PRELID2: variants seen among roughly 807,000 people sequenced by gnomAD.
PRELID2 encodes the protein PRELI domain containing 2, also known as PRELI domain-containing protein 2.
PRELID2 carries 25 observed loss-of-function variants against 28.4 expected under a neutral mutation model. That is an observed-to-expected ratio of 0.88 (90% CI 0.64 to 1.23). The LOEUF is 1.23. PRELID2 is among the 50% of genes most tolerant of loss of function. The probability of loss-of-function intolerance (pLI) is 0.00; values close to 1 mark genes in which losing one functional copy is unlikely to be tolerated. For missense variants in PRELID2, 201 were observed against 214.4 expected (o/e 0.94, Z 0.39); for synonymous variants, 76 against 71.6 (o/e 1.06, Z -0.31).
intron 1 of PRELID2, among the ~76,000 whole-genome samples, chr5:145,499,943 A>G (rs1752345235): frequency 6.6e-6 from 1 of 152,190 alleles, no homozygotes; most frequent in South Asian, 2.1e-4. Context: ...TAAACCCCAC[A>G]CTTGGCTTTA....
chr5:145,354,847 T>G, the PRELID2 span, among the ~76,000 whole-genome samples: 1 of 152,154 alleles, frequency 6.6e-6, no homozygotes, highest in Non-Finnish European at 1.5e-5. Flanking sequence ...CCTAATCAAC[T>G]GGGCAAATTA....
intron 4 of PRELID2, among the ~76,000 whole-genome samples, chr5:145,799,654 T>C (rs1425669902): frequency 6.6e-6 from 1 of 152,178 alleles, no homozygotes; most frequent in Non-Finnish European, 1.5e-5. Context: ...GTATGGGGCT[T>C]GATAAATTCT....
chr5:145,583,622 C>T (rs1257312358), intron 1 of PRELID2, among the ~76,000 whole-genome samples: 3 of 151,932 alleles, frequency 2.0e-5, no homozygotes, highest in Non-Finnish European at 4.4e-5. Flanking sequence ...TGTGCAAAAT[C>T]GCTAGCATTC....
At chr5:145,287,013 ACTT>A in the PRELID2 span, among the ~76,000 whole-genome samples, 25 of 151,934 alleles carry the variant, frequency 1.6e-4, no homozygotes, top group African/African-American at 6.0e-4. Context: ...CCTGGCCAGA[ACTT>A]CTTATTGTTA....
chr5:145,762,952 G>A (rs1026726911), intron 6 of PRELID2, among the ~76,000 whole-genome samples: 2 of 152,192 alleles, frequency 1.3e-5, no homozygotes, highest in African/African-American at 4.8e-5. Context: ...CCAGGACCAG[G>A]ATCACCATCA....
At chr5:145,399,255 T>C in the PRELID2 span, among the ~76,000 whole-genome samples, 1 of 152,074 alleles carries the variant, frequency 6.6e-6, no homozygotes, top group East Asian at 1.9e-4. Context: ...GAAAATGAGA[T>C]GGAGTTGATT....
At chr5:145,820,061 G>A in intron 2 of PRELID2, 43 bp from the exon 3 acceptor site, 1 of 1,188,116 alleles carries the variant, frequency 8.4e-7, no homozygotes, top group South Asian at 1.3e-5. Flanking sequence ...TTAAAGAAAT[G>A]TGTTCTTTTC....
Position 145,654,558 on chromosome 5 carries a change from C to G in PRELID2, n.70+110373G>C, listed in dbSNP as rs562079739. On this transcript the variant is annotated intron_variant and non_coding_transcript_variant, in intron 1 of 2. Coordinates refer to the PRELID2 transcript ENST00000510259. ...CAAAAAGCTTATCCACCATGATCAA[C>G]TGGGCTTCAGCCCTGGGATGCAAGA... Among the ~76,000 whole-genome samples the G allele has an allele frequency of 1.1e-4, 17 of 152,272 alleles. No homozygotes were observed. The East Asian group carries it at 1.4e-3, about 12-fold the overall frequency.
intron 1 of PRELID2, among the ~76,000 whole-genome samples, chr5:145,497,965 T>TGTCAACACTTGCCC (rs1329160506): frequency 2.0e-5 from 3 of 152,210 alleles, no homozygotes; most frequent in South Asian, 2.1e-4. Context: ...TGCTCTTGTT[T>TGTCAACACTTGCCC]GTCAACACTT....
chr5:145,700,099 G>A (rs947464820), intron 1 of PRELID2, among the ~76,000 whole-genome samples: 5 of 152,162 alleles, frequency 3.3e-5, no homozygotes, highest in African/African-American at 1.2e-4. Flanking sequence ...AATGGTTGGA[G>A]TGGAGTGATG....
intron 5 of PRELID2, among the ~76,000 whole-genome samples, chr5:145,780,311 T>C (rs1758707556): frequency 6.6e-6 from 1 of 152,178 alleles, no homozygotes; most frequent in Non-Finnish European, 1.5e-5. Context: ...ACGACAACAA[T>C]AACAACTGAT....
At chr5:145,734,250 G>A (rs1756431675) in intron 1 of PRELID2, among the ~76,000 whole-genome samples, 1 of 152,002 alleles carries the variant, frequency 6.6e-6, no homozygotes, top group Non-Finnish European at 1.5e-5. Context: ...TGAGTAGCTG[G>A]GACCACAGGT....
intron 1 of PRELID2, among the ~76,000 whole-genome samples, chr5:145,602,624 T>C: frequency 6.6e-6 from 1 of 152,128 alleles, no homozygotes; most frequent in Admixed American, 6.5e-5. Flanking sequence ...ACCATAAAAG[T>C]TGCCATACTA....
At chr5:145,574,564 C>T (rs545226149) in intron 1 of PRELID2, among the ~76,000 whole-genome samples, 16 of 152,152 alleles carry the variant, frequency 1.1e-4, no homozygotes, top group South Asian at 2.1e-4. Flanking sequence ...CACCAAAAGG[C>T]AGTTTTATAA....
chr5:145,759,998 C>G lies in PRELID2; in HGVS notation c.*538G>C, dbSNP rs1757394201. 6.6e-6 allele frequency: 1 copy of G among 152,038 alleles called. No individual in the cohort carries two copies. The highest frequency in any genetic ancestry group is 1.5e-5 in the Non-Finnish European group (1 of 68,026). 9.4% of individuals were successfully genotyped at this position (152,038 alleles called of 1,614,324 possible). A position where few individuals can be genotyped will look rare whatever the true frequency, so the allele number is the denominator to read the frequency against. On this transcript the variant is annotated 3_prime_UTR_variant, in exon 7 of 7. Coordinates refer to ENST00000683046, the MANE Select transcript of PRELID2 (RefSeq NM_205846.3). ...TCTCCTGATTTCTGAGAATCTTAAA[C>G]ATTGTTATAAATACGGCTTAGCTTC...
downstream of PRELID2, among the ~76,000 whole-genome samples, chr5:145,471,308 A>G (rs766477915): frequency 2.0e-5 from 3 of 152,110 alleles, no homozygotes; most frequent in Non-Finnish European, 4.4e-5. Flanking sequence ...CTATTTTCTT[A>G]CAAACCTCCC....
chr5:145,472,438 G>A (rs1391925034), intron 2 of PRELID2, among the ~76,000 whole-genome samples: 1 of 152,136 alleles, frequency 6.6e-6, no homozygotes, highest in Non-Finnish European at 1.5e-5. Context: ...GTTGGTATGT[G>A]ACAGAGCAGG....
the PRELID2 span, among the ~76,000 whole-genome samples, chr5:145,324,021 T>C: frequency 2.0e-5 from 3 of 152,226 alleles, no homozygotes; most frequent in Non-Finnish European, 4.4e-5. Flanking sequence ...CTATTTGAAC[T>C]TCTTTGAGAA....
At chr5:145,509,495 G>A (rs1004635063) in intron 1 of PRELID2, among the ~76,000 whole-genome samples, 2 of 152,304 alleles carry the variant, frequency 1.3e-5, no homozygotes, top group African/African-American at 4.8e-5. Context: ...ACATGTCTGA[G>A]CACCCATTAT....
Sources: gnomAD v4.1 joint callset for allele counts (sites outside exome capture counted in the v4.1 genomes callset) on GRCh38, gnomAD v4.1.1 for gene constraint, MANE v1.5 for transcripts, NCBI Gene and HGNC (gene_info 2026-07-23, HGNC 2026-07-21) for gene names.